Variants in BDH1 observed in about 807,000 individuals in gnomAD.
BDH1 encodes the protein D-beta-hydroxybutyrate dehydrogenase, mitochondrial.
Under a neutral mutation model 33.1 loss-of-function variants are expected in BDH1, and 30 were observed. The ratio of observed to expected loss-of-function variants is 0.91; its 90% confidence interval spans 0.68 to 1.23. The LOEUF is 1.23. Ranked by LOEUF, BDH1 falls within the 50% of genes most tolerant of loss-of-function variation. BDH1 has a pLI of 0.00. For missense variants in BDH1, 443 were observed against 464.4 expected, an observed-to-expected ratio of 0.95 and a Z score of 0.42; for synonymous variants, 190 against 183.6, an observed-to-expected ratio of 1.03 and a Z score of -0.28.
chr3:197,561,913 CA>C (rs1717273803), intron 1 of BDH1, among the ~76,000 whole-genome samples: 1 of 152,096 alleles, frequency 6.6e-6, no homozygotes, highest in Admixed American at 6.5e-5. Flanking sequence ...TCTGCAGTAC[CA>C]AAAAAATCTA....
Position 197,537,868 on chromosome 3 carries a change from C to G in BDH1, c.84-4307G>C, listed in dbSNP as rs115312822. 8.5e-3 allele frequency among the ~76,000 whole-genome samples: 1,298 copies of G among 152,282 alleles called. 17 individuals carry two copies. The highest frequency in any genetic ancestry group is 0.03 in the African/African-American group (1,232 of 41,550). On this transcript the variant is annotated intron_variant, in intron 3 of 7. Coordinates refer to ENST00000392379, the MANE Select transcript of BDH1 (RefSeq NM_203314.3). ...CCTGGAACAAACCCACTTGTTCTGT[C>G]CTACTGCACTGGTCATTTGGCTAGA...
upstream of BDH1, among the ~76,000 whole-genome samples, chr3:197,557,286 G>A (rs561786754): frequency 1.8e-4 from 28 of 152,172 alleles, no homozygotes; most frequent in Admixed American, 3.3e-4. This position sits in a 1 kb window ranked among gnomAD's most constrained non-coding sequence, Gnocchi z 4.6. Context: ...CTTAACTTTG[G>A]GAAAATAAAC....
At position 197,510,672 on chromosome 3, in the gene BDH1, A is replaced by AGGC. The variant is rs1711885376; in HGVS notation, c.*1222_*1223insGCC. The stretch of plus-strand genomic sequence containing the variant: ...TGTGTGTGTGTGTGTGTGTGTGTGT[A>AGGC]CATGTGTGTAAGGTGTGTGTGTGTG... On this transcript the variant is annotated 3_prime_UTR_variant, in exon 8 of 8. Coordinates refer to ENST00000392379, the MANE Select transcript of BDH1 (RefSeq NM_203314.3). The AGGC allele has an allele frequency of 2.8e-5, 1 of 35,404 alleles. No homozygotes were observed. The highest frequency in any genetic ancestry group is 3.1e-4 in the Admixed American group (1 of 3,224). 2.2% of individuals were successfully genotyped at this position (35,404 alleles called of 1,614,324 possible).
intron 1 of BDH1, among the ~76,000 whole-genome samples, chr3:197,561,347 C>CTT (rs961979180): frequency 6.6e-6 from 1 of 151,874 alleles, no homozygotes; most frequent in Non-Finnish European, 1.5e-5. Context: ...TCCCCCCCAC[C>CTT]TTTTTTTTGG....
intron 1 of BDH1, among the ~76,000 whole-genome samples, chr3:197,571,595 G>C (rs529547638): frequency 6.6e-6 from 1 of 152,140 alleles, no homozygotes; most frequent in African/African-American, 2.4e-5. Context: ...CTTGGCTTTC[G>C]TTCTCTCTCT....
intron 3 of BDH1, among the ~76,000 whole-genome samples, chr3:197,534,457 A>G (rs1209986930): frequency 6.6e-6 from 1 of 152,156 alleles, no homozygotes. Context: ...GGGTATGACA[A>G]TTTGCTTAAC....
intron 5 of BDH1, among the ~76,000 whole-genome samples, chr3:197,531,637 T>A (rs182084724): frequency 2.6e-5 from 4 of 151,826 alleles, no homozygotes; most frequent in African/African-American, 9.7e-5. Flanking sequence ...GTCCAGAAAA[T>A]GCAAACCTAA....
At chr3:197,543,159 T>C (rs534867069) in intron 3 of BDH1, 2 of 985,386 alleles carry the variant, frequency 2.0e-6, no homozygotes, top group South Asian at 4.7e-5. Context: ...ATGAGTCCAT[T>C]TGAATCTAAC....
intron 1 of BDH1, among the ~76,000 whole-genome samples, chr3:197,566,215 C>T (rs1160958282): frequency 6.6e-6 from 1 of 152,192 alleles, no homozygotes; most frequent in Non-Finnish European, 1.5e-5. Flanking sequence ...TAACAGGACA[C>T]AATTGGAGAA....
intron 3 of BDH1, among the ~76,000 whole-genome samples, chr3:197,535,823 T>C (rs1210731149): frequency 6.6e-6 from 1 of 152,080 alleles, no homozygotes; most frequent in Non-Finnish European, 1.5e-5. Flanking sequence ...GGTGGGCAGA[T>C]TGCTTGAGCT....
chr3:197,551,807 C>T (rs1716593532), intron 2 of BDH1, among the ~76,000 whole-genome samples: 1 of 152,120 alleles, frequency 6.6e-6, no homozygotes, highest in Non-Finnish European at 1.5e-5. Flanking sequence ...CCTCTTCTGT[C>T]CTTCCCCAAG....
rs1711767149 is a variant in BDH1 at position 197,510,267 on chromosome 3, G to A, written c.*1628C>T. ...TGAGAAACCTCAGGCTCGGGCGGCA[G>A]CGCGGGAGTCTGGGGCGCTGGAGGC... On this transcript the variant is annotated 3_prime_UTR_variant, in exon 8 of 8. Transcript: ENST00000392379. The A allele has an allele frequency of 6.6e-6, 1 of 152,386 alleles. No individual in the cohort carries two copies. Among genetic ancestry groups the A allele is most frequent in the Non-Finnish European group, 1.5e-5 (1 of 68,142 alleles). The allele number at this position is 152,386 out of a possible 1,614,324, so 9.4% of individuals were successfully genotyped here. A position where few individuals can be genotyped will look rare whatever the true frequency, so the allele number is the denominator to read the frequency against.
At chr3:197,512,430 G>A (rs1299792118) in intron 7 of BDH1, 66 bp from the exon 8 acceptor site, 2 of 1,505,492 alleles carry the variant, frequency 1.3e-6, no homozygotes, top group Non-Finnish European at 8.9e-7. Flanking sequence ...GCAGAAGTCT[G>A]GCATGTCTCT....
chr3:197,513,634 C>G (rs1304377354), intron 7 of BDH1, among the ~76,000 whole-genome samples: 2 of 152,250 alleles, frequency 1.3e-5, no homozygotes, highest in African/African-American at 2.4e-5. Context: ...GGGTTTCCAT[C>G]TAAAATCCTA....
At chr3:197,533,629 A>G in intron 3 of BDH1, 68 bp from the exon 4 acceptor site, 1 of 1,501,004 alleles carries the variant, frequency 6.7e-7, no homozygotes. Flanking sequence ...ACTGGCCTAG[A>G]GCAGCACTGG....
At chr3:197,572,134 C>G (rs969524420) in intron 1 of BDH1, among the ~76,000 whole-genome samples, 1 of 152,108 alleles carries the variant, frequency 6.6e-6, no homozygotes, top group Non-Finnish European at 1.5e-5. Context: ...GAATTCTTAA[C>G]AGGACCCATT....
chr3:197,545,356 G>A (rs1472310650), intron 3 of BDH1, among the ~76,000 whole-genome samples: 2 of 152,108 alleles, frequency 1.3e-5, no homozygotes, highest in Non-Finnish European at 2.9e-5. Flanking sequence ...GGGACATCTC[G>A]GCTAACTGAT....
In BDH1 at chr3:197,514,506, C is replaced by T. The variant is rs1712477461; in HGVS notation, c.410-90G>A. Reference sequence around the variant, plus strand: ...CTGCAGGCCAGCCTCCTCTCTGCTTCTTTCCTGTGACTTCCCAGCCTCTCG... The same window carrying T: ...CTGCAGGCCAGCCTCCTCTCTGCTTTTTTCCTGTGACTTCCCAGCCTCTCG... On this transcript the variant is annotated intron_variant, in intron 6 of 7. Coordinates refer to ENST00000392379, the MANE Select transcript of BDH1 (RefSeq NM_203314.3). This position sits in a 1 kb window ranked among gnomAD's most constrained non-coding sequence, Gnocchi z 4.2. The T allele has an allele frequency of 2.1e-6, 3 of 1,407,034 alleles. No individual in the cohort carries two copies. Among genetic ancestry groups the T allele is most frequent in the Admixed American group, 2.4e-5 (1 of 42,070 alleles). The allele number at this position is 1,407,034 out of a possible 1,614,324, so 87.2% of individuals were successfully genotyped here. A position where few individuals can be genotyped will look rare whatever the true frequency, so the allele number is the denominator to read the frequency against.
chr3:197,560,759 T>A (rs1717233298), upstream of BDH1, among the ~76,000 whole-genome samples: 1 of 152,260 alleles, frequency 6.6e-6, no homozygotes, highest in Non-Finnish European at 1.5e-5. Flanking sequence ...AAAGTCAAGC[T>A]GGGAACAGCT....
Sources: allele counts gnomAD v4.1 joint callset (sites outside exome capture counted in the v4.1 genomes callset), GRCh38; gene constraint gnomAD v4.1.1; non-coding constraint Gnocchi (gnomAD v3.1); transcripts MANE v1.5; gene names NCBI Gene and HGNC (gene_info 2026-07-23, HGNC 2026-07-21).